CFAP299: variants seen among roughly 807,000 people sequenced by gnomAD.
CFAP299 encodes the protein cilia and flagella associated protein 299.
A neutral mutation model predicts 27.0 loss-of-function variants in CFAP299; 21 were observed. That is an observed-to-expected ratio of 0.78 (90% CI 0.55 to 1.12). CFAP299 has a LOEUF of 1.12. Ranked by LOEUF, CFAP299 falls within the 50% of genes most tolerant of loss-of-function variation. The pLI is 0.00. For synonymous variants in CFAP299, 104 were observed against 98.1 expected, an observed-to-expected ratio of 1.06 and a Z score of -0.36; for missense variants, 310 against 276.6, an observed-to-expected ratio of 1.12 and a Z score of -0.86.
chr4:80,616,257 A>G (rs1196040442), intron 3 of CFAP299, among the ~76,000 whole-genome samples: 1 of 152,076 alleles, frequency 6.6e-6, no homozygotes, highest in African/African-American at 2.4e-5. Context: ...TTGCTCCAAA[A>G]TATGCAAAAT....
intron 3 of CFAP299, among the ~76,000 whole-genome samples, chr4:80,666,373 G>A (rs748731408): frequency 1.5e-4 from 22 of 151,678 alleles, no homozygotes; most frequent in Non-Finnish European, 2.5e-4. Flanking sequence ...TATCATTTTT[G>A]CTCTCTCCCC....
chr4:80,449,169 G>A (rs142835935), intron 2 of CFAP299, among the ~76,000 whole-genome samples: 3,187 of 152,136 alleles, frequency 0.021, 59 homozygotes, highest in Admixed American at 0.061. Context: ...TTTCAATAAT[G>A]GCATGGAGAG....
chr4:80,857,146 A>G (rs1366284189), intron 3 of CFAP299, among the ~76,000 whole-genome samples: 2 of 152,054 alleles, frequency 1.3e-5, no homozygotes, highest in African/African-American at 4.8e-5. Context: ...ATTCCTAGGT[A>G]TTTTATTCTC....
At position 80,861,395 on chromosome 4, in the gene CFAP299, C is replaced by T. The variant is rs1384486785; in HGVS notation, c.334-8598C>T. On this transcript the variant is annotated intron_variant, in intron 3 of 5. Transcript: ENST00000358105. ...GGCAATGCCTCACCCTGCTTTGGCT[C>T]GTGCACGGTGCACTGAACCCACTGA... Among the ~76,000 whole-genome samples the T allele has an allele frequency of 1.5e-4, 23 of 152,268 alleles. 1 individual carries two copies. Among genetic ancestry groups the T allele is most frequent in the East Asian group, 7.8e-4 (4 of 5,160 alleles).
intron 5 of CFAP299, among the ~76,000 whole-genome samples, chr4:80,951,471 G>A (rs1390602199): frequency 6.6e-6 from 1 of 152,184 alleles, no homozygotes; most frequent in African/African-American, 2.4e-5. Flanking sequence ...ATAACAGTGA[G>A]CTACTTTGGC....
At chr4:80,337,863 GTA>G (rs900755788) in intron 1 of CFAP299, among the ~76,000 whole-genome samples, 1 of 151,996 alleles carries the variant, frequency 6.6e-6, no homozygotes, top group Non-Finnish European at 1.5e-5. Context: ...AATTAGACAG[GTA>G]TATATATGTT....
intron 3 of CFAP299, among the ~76,000 whole-genome samples, chr4:80,671,699 G>T (rs374580702): frequency 1.5e-4 from 23 of 152,224 alleles, no homozygotes; most frequent in African/African-American, 2.6e-4. Flanking sequence ...TCTCCTTGAA[G>T]AAGTCCTTCA....
At chr4:80,669,056 G>T (rs1741295555) in intron 3 of CFAP299, among the ~76,000 whole-genome samples, 1 of 147,968 alleles carries the variant, frequency 6.8e-6, no homozygotes, top group East Asian at 2.0e-4. Context: ...CAGTTCCTAG[G>T]TATTTTATAT....
At chr4:80,440,743 G>A (rs1728319825) in intron 2 of CFAP299, among the ~76,000 whole-genome samples, 1 of 152,088 alleles carries the variant, frequency 6.6e-6, no homozygotes, top group Non-Finnish European at 1.5e-5. Flanking sequence ...TCAGAAGGTG[G>A]GTAATAACAA....
At chr4:80,391,232 C>T (rs1449582086) in intron 2 of CFAP299, among the ~76,000 whole-genome samples, 1 of 152,056 alleles carries the variant, frequency 6.6e-6, no homozygotes, top group Non-Finnish European at 1.5e-5. Flanking sequence ...TCCTTGTATA[C>T]TCAGAACTTG....
At chr4:80,692,761 C>A (rs1720811016) in intron 3 of CFAP299, among the ~76,000 whole-genome samples, 1 of 152,084 alleles carries the variant, frequency 6.6e-6, no homozygotes, top group South Asian at 2.1e-4. Context: ...GAACAGGCAA[C>A]CAACAAAATG....
intron 2 of CFAP299, among the ~76,000 whole-genome samples, chr4:80,420,801 G>T (rs1449143660): frequency 6.6e-6 from 1 of 151,984 alleles, no homozygotes; most frequent in African/African-American, 2.4e-5. Flanking sequence ...CAGAGCTCTG[G>T]TTTCGCTACT....
intron 3 of CFAP299, among the ~76,000 whole-genome samples, chr4:80,671,491 C>G (rs1413872054): frequency 3.9e-5 from 6 of 152,092 alleles, no homozygotes; most frequent in African/African-American, 1.4e-4. Flanking sequence ...TTTTGTGGTT[C>G]CGTATGAACT....
intron 3 of CFAP299, among the ~76,000 whole-genome samples, chr4:80,711,181 CAGAG>C (rs1722145025): frequency 6.6e-6 from 1 of 152,150 alleles, no homozygotes; most frequent in Admixed American, 6.5e-5. Flanking sequence ...AGCTCATGCC[CAGAG>C]AGAGAAAGAG....
intron 2 of CFAP299, among the ~76,000 whole-genome samples, chr4:80,462,979 C>A (rs1267310822): frequency 6.6e-6 from 1 of 152,034 alleles, no homozygotes; most frequent in Non-Finnish European, 1.5e-5. Flanking sequence ...ACAACAGAAT[C>A]AGGACTAGAT....
In CFAP299 at chr4:80,659,178, T is replaced by C. The variant is rs556628131; in HGVS notation, c.333+75995T>C. The stretch of plus-strand genomic sequence containing the variant: ...TATTAATACTGGGCAGTTAAAAATA[T>C]AAAATCGAAAGCAAAACTATAATAT... On this transcript the variant is annotated intron_variant, in intron 3 of 5. Transcript: ENST00000358105. 2.6e-5 allele frequency among the ~76,000 whole-genome samples: 4 copies of C among 152,050 alleles called. No individual in the cohort carries two copies. The East Asian group carries it at 7.7e-4, about 29-fold the overall frequency.
chr4:80,592,245 A>G (rs1471041594), intron 3 of CFAP299, among the ~76,000 whole-genome samples: 1 of 152,088 alleles, frequency 6.6e-6, no homozygotes, highest in African/African-American at 2.4e-5. Flanking sequence ...CAATTATAAA[A>G]GCTGCTATTG....
At chr4:80,397,284 G>A (rs1322834727) in intron 2 of CFAP299, among the ~76,000 whole-genome samples, 3 of 151,516 alleles carry the variant, frequency 2.0e-5, no homozygotes, top group Non-Finnish European at 4.4e-5. Context: ...CTTCTTTATT[G>A]GTCTTGCTAG....
intron 2 of CFAP299, among the ~76,000 whole-genome samples, chr4:80,573,692 AT>A (rs1237387929): frequency 1.3e-4 from 20 of 151,972 alleles, no homozygotes; most frequent in Non-Finnish European, 2.4e-4. Context: ...GATATTCAGT[AT>A]TTCTGGCACC....
Sources: allele counts gnomAD v4.1 joint callset (sites outside exome capture counted in the v4.1 genomes callset), GRCh38; gene constraint gnomAD v4.1.1; transcripts MANE v1.5; gene names NCBI Gene and HGNC (gene_info 2026-07-23, HGNC 2026-07-21).